The following ATP2B2 variants were observed in gnomAD, a reference collection of about 807,000 sequenced individuals.
The protein encoded by ATP2B2 is plasma membrane calcium-transporting ATPase 2.
Under a neutral mutation model 120.0 loss-of-function variants are expected in ATP2B2, and 15 were observed. That is an observed-to-expected ratio of 0.12 (90% CI 0.08 to 0.19). The LOEUF (loss-of-function observed/expected upper bound fraction) is 0.19. Ranked by LOEUF, ATP2B2 falls within the 10% of genes least tolerant of loss-of-function variation. The pLI is 1.00. For synonymous variants in ATP2B2, 694 were observed against 700.3 expected, an observed-to-expected ratio of 0.99 and a Z score of 0.14; for missense variants, 1,045 against 1,719.8, an observed-to-expected ratio of 0.61 and a Z score of 6.94.
At chr3:10,668,860 A>ACACAG (rs2071018414) in intron 1 of ATP2B2, among the ~76,000 whole-genome samples, 1 of 152,216 alleles carries the variant, frequency 6.6e-6, no homozygotes, top group Admixed American at 6.5e-5. Flanking sequence ...AATGGGCAGC[A>ACACAG]TACAGTAGGC....
In ATP2B2 at chr3:10,340,998, A is replaced by G. The variant is rs951302102; in HGVS notation, c.2918-294T>C. On this transcript the variant is annotated intron_variant, in intron 19 of 22. Coordinates refer to ENST00000360273, the MANE Select transcript of ATP2B2 (RefSeq NM_001001331.4). The surrounding 1 kb of genome is among the most constrained non-coding windows in gnomAD (Gnocchi z 5.0). ...GCCGGCTGTGTTAAAGGTGGGCGAC[A>G]TGGCTTCTAAAAAGTGACCTCAGAC... Among the ~76,000 whole-genome samples, 2 of 152,162 alleles carry G rather than the reference A, an allele frequency of 1.3e-5. No homozygotes were observed. The highest frequency in any genetic ancestry group is 2.4e-5 in the African/African-American group (1 of 41,426).
chr3:10,338,140 C>G, intron 22 of ATP2B2, 36 bp downstream of exon 22: 9 of 1,612,756 alleles, frequency 5.6e-6, no homozygotes, highest in Non-Finnish European at 5.9e-6. Flanking sequence ...CCCGCCCCGG[C>G]CAGGCCTGGG....
intron 3 of ATP2B2, among the ~76,000 whole-genome samples, chr3:10,517,538 T>G (rs2066900629): frequency 6.6e-6 from 1 of 152,218 alleles, no homozygotes; most frequent in South Asian, 2.1e-4. Flanking sequence ...TTAATGAATA[T>G]CCACTGGCCC....
At chr3:10,455,252 G>T (rs976638584) in intron 1 of ATP2B2, among the ~76,000 whole-genome samples, 1 of 152,134 alleles carries the variant, frequency 6.6e-6, no homozygotes, top group Non-Finnish European at 1.5e-5. Flanking sequence ...TGAGATGCAT[G>T]CACTGCCCTC....
At chr3:10,658,334 TA>T (rs2070691908) in intron 1 of ATP2B2, among the ~76,000 whole-genome samples, 1 of 118,024 alleles carries the variant, frequency 8.5e-6, no homozygotes, top group Non-Finnish European at 2.2e-5. Context: ...ACAAAGAAGC[TA>T]AAAACCTTGA....
chr3:10,604,174 T>C (rs1259479064), intron 2 of ATP2B2, among the ~76,000 whole-genome samples: 1 of 152,134 alleles, frequency 6.6e-6, no homozygotes, highest in Admixed American at 6.5e-5. Context: ...TCCAAGTCAA[T>C]CTCTGCATAA....
chr3:10,522,762 C>G (rs1452782661), intron 3 of ATP2B2, among the ~76,000 whole-genome samples: 1 of 152,142 alleles, frequency 6.6e-6, no homozygotes, highest in Non-Finnish European at 1.5e-5. Flanking sequence ...TGTCCTGAAC[C>G]TCCTTTTACA....
At chr3:10,513,203 G>A (rs116092041) in intron 3 of ATP2B2, among the ~76,000 whole-genome samples, 2,340 of 152,272 alleles carry the variant, frequency 0.015, 37 homozygotes, top group Admixed American at 0.035. Context: ...AAGCCTCACA[G>A]AGGGTTTCCT....
chr3:10,531,178 G>A (rs1304782121), intron 3 of ATP2B2, among the ~76,000 whole-genome samples: 1 of 152,184 alleles, frequency 6.6e-6, no homozygotes, highest in Non-Finnish European at 1.5e-5. Flanking sequence ...TCAGCCCTCA[G>A]GGTTGAGGGT....
intron 1 of ATP2B2, among the ~76,000 whole-genome samples, chr3:10,621,555 G>A (rs1272819074): frequency 1.3e-5 from 2 of 152,256 alleles, no homozygotes; most frequent in African/African-American, 4.8e-5. Flanking sequence ...GAGTGGCAGT[G>A]CCAGTGTTTT....
intron 1 of ATP2B2, among the ~76,000 whole-genome samples, chr3:10,682,551 G>C (rs1168777304): frequency 5.9e-5 from 9 of 152,204 alleles, no homozygotes; most frequent in Non-Finnish European, 1.2e-4. Flanking sequence ...TCTTTACAAA[G>C]TGCATGGGAA....
At chr3:10,573,484 C>T (rs2125548118) in intron 2 of ATP2B2, among the ~76,000 whole-genome samples, 1 of 152,310 alleles carries the variant, frequency 6.6e-6, no homozygotes, top group Middle Eastern at 3.4e-3. Context: ...GAACTTTGAT[C>T]ACTACCTGTT....
intron 9 of ATP2B2, 84 bp downstream of exon 9, chr3:10,379,159 C>T: frequency 1.3e-6 from 2 of 1,490,888 alleles, no homozygotes; most frequent in South Asian, 2.3e-5. Flanking sequence ...TGGCCCTTGC[C>T]AGTCTCTGTC....
intron 1 of ATP2B2, among the ~76,000 whole-genome samples, chr3:10,637,729 T>C (rs1363999612): frequency 6.6e-6 from 1 of 152,028 alleles, no homozygotes; most frequent in Non-Finnish European, 1.5e-5. Flanking sequence ...GAAACAAACA[T>C]TTGAGAAATA....
At chr3:10,637,751 T>A (rs2070063353) in intron 1 of ATP2B2, among the ~76,000 whole-genome samples, 1 of 151,512 alleles carries the variant, frequency 6.6e-6, no homozygotes, top group South Asian at 2.1e-4. Flanking sequence ...TGGCTGAAAA[T>A]TTTCCAAATT....
chr3:10,618,243 T>C (rs2069450057), intron 2 of ATP2B2, among the ~76,000 whole-genome samples: 2 of 152,236 alleles, frequency 1.3e-5, no homozygotes, highest in Non-Finnish European at 2.9e-5. Flanking sequence ...TTCACTTCTC[T>C]GAGCCTCAGT....
At chr3:10,703,963 C>T (rs539096127) in intron 1 of ATP2B2, among the ~76,000 whole-genome samples, 24 of 152,314 alleles carry the variant, frequency 1.6e-4, no homozygotes, top group Admixed American at 7.8e-4. Context: ...CCTGCTGAAA[C>T]TATTCAAAGT....
At chr3:10,355,791 C>CTTTGTGCATGTGTGTGTGTGT in intron 14 of ATP2B2, among the ~76,000 whole-genome samples, 1 of 92,538 alleles carries the variant, frequency 1.1e-5, no homozygotes, top group African/African-American at 3.7e-5. Context: ...TTGTCCTTTC[C>CTTTGTGCATGTGTGTGTGTGT]GGCCGGGCGC....
At chr3:10,433,287 G>A (rs2063378035) in intron 2 of ATP2B2, among the ~76,000 whole-genome samples, 1 of 152,196 alleles carries the variant, frequency 6.6e-6, no homozygotes, top group African/African-American at 2.4e-5. Context: ...TATTTTCTCA[G>A]GGATTGGCCA....
Sources: gnomAD v4.1 joint callset for allele counts (sites outside exome capture counted in the v4.1 genomes callset) on GRCh38, gnomAD v4.1.1 for gene constraint, Gnocchi (gnomAD v3.1) non-coding constraint, MANE v1.5 for transcripts, NCBI Gene and HGNC (gene_info 2026-07-23, HGNC 2026-07-21) for gene names.